PWWP2A: variants seen among roughly 807,000 people sequenced by gnomAD.
PWWP2A encodes PWWP domain-containing protein 2A.
In PWWP2A, 18 loss-of-function variants were observed where a neutral mutation model predicts 48.5. The observed-to-expected ratio is 0.37, with a 90% CI of 0.26 to 0.55. PWWP2A has a LOEUF of 0.55. Ranked by LOEUF, PWWP2A falls within the 20% of genes least tolerant of loss-of-function variation. The probability of loss-of-function intolerance (pLI) is 0.81; values close to 1 mark genes in which losing one functional copy is unlikely to be tolerated. For synonymous variants in PWWP2A, 396 were observed against 387.7 expected (o/e 1.02, Z -0.25); for missense variants, 867 against 976.4 (o/e 0.89, Z 1.49).
In PWWP2A at chr5:160,093,216, T is replaced by C. The variant is rs1162704349; in HGVS notation, c.1434A>G (p.Pro478=). 4.3e-6 allele frequency: 7 copies of C among 1,613,916 alleles called. No individual in the cohort carries two copies. In the South Asian group the frequency reaches 7.7e-5, roughly 18 times the overall value. ...GSLPPRVRLK[P]QRYRNEENDS... is the part of the protein sequence containing the mutation. ...CATTTTCTTCATTCCTGTACCTCTG[T>C]GGTTTTAAACGAACCCGGGGTGGAA... Residue 478 remains proline (P), a synonymous_variant, in exon 2 of 2, where the codon CCA becomes CCG. Coordinates refer to ENST00000307063, the MANE Select transcript of PWWP2A (RefSeq NM_001130864.2). This position sits in a 1 kb window ranked among gnomAD's most constrained non-coding sequence, Gnocchi z 5.8.
Position 160,091,762 on chromosome 5 carries a change from T to C in PWWP2A, c.*620A>G. Reference sequence around the variant, plus strand: ...CCCAAACACTGGGCTATTTCCCCAGTCTGTAACTGAATTGCAACCATCTGT... The same window carrying C: ...CCCAAACACTGGGCTATTTCCCCAGCCTGTAACTGAATTGCAACCATCTGT... On this transcript the variant is annotated 3_prime_UTR_variant, in exon 2 of 2. Transcript: ENST00000307063. 2 of 985,218 alleles carry C rather than the reference T, an allele frequency of 2.0e-6. No homozygotes were observed. Among genetic ancestry groups the C allele is most frequent in the Non-Finnish European group, 2.4e-6 (2 of 829,850 alleles). The allele number at this position is 985,218 out of a possible 1,614,324, so 61.0% of individuals were successfully genotyped here.
rs556171310 is a variant in PWWP2A at position 160,093,522 on chromosome 5, T to G, written c.1128A>C (p.Gln376His). The change falls in exon 2 of 2, where the codon CAA becomes CAC. Residue 376 changes from glutamine to histidine, a missense_variant. Coordinates refer to ENST00000307063, the MANE Select transcript of PWWP2A (RefSeq NM_001130864.2). This position sits in a 1 kb window ranked among gnomAD's most constrained non-coding sequence, Gnocchi z 5.8. The part of the protein sequence containing the change: ...KTDHKVDGKN[Q>H]NESQKRNAVV... The stretch of plus-strand genomic sequence containing the variant: ...CAGCATTTCTTTTCTGGCTTTCATT[T>G]TGGTTTTTCCCATCCACTTTATGGT... 2 of 1,613,990 alleles carry G rather than the reference T, an allele frequency of 1.2e-6. No individual in the cohort carries two copies. The highest frequency in any genetic ancestry group is 4.5e-5 in the East Asian group (2 of 44,886).
At chr5:160,052,011 A>G in the PWWP2A span, among the ~76,000 whole-genome samples, 1 of 152,214 alleles carries the variant, frequency 6.6e-6, no homozygotes, top group East Asian at 1.9e-4. Context: ...AGACAATGGG[A>G]ACAAATTTCC....
At chr5:160,089,981 T>G (rs1024915332), downstream of PWWP2A, 1 of 984,936 alleles carries the variant, frequency 1.0e-6, no homozygotes, top group African/African-American at 1.7e-5. Context: ...CTATTAGAGT[T>G]TAGAATACAC....
At chr5:160,108,613 C>G (rs1757134870) in intron 1 of PWWP2A, 1 of 1,280,974 alleles carries the variant, frequency 7.8e-7, no homozygotes, top group Non-Finnish European at 1.0e-6. Flanking sequence ...GTTTCATGGT[C>G]TCTGTAAAGA....
chr5:160,046,472 C>T, the PWWP2A span, among the ~76,000 whole-genome samples: 1 of 152,032 alleles, frequency 6.6e-6, no homozygotes, highest in South Asian at 2.1e-4. Flanking sequence ...CTTAGTTGAG[C>T]GTGGGACCCT....
intron 1 of PWWP2A, among the ~76,000 whole-genome samples, chr5:160,107,497 C>T (rs1757019164): frequency 6.6e-6 from 1 of 152,174 alleles, no homozygotes; most frequent in South Asian, 2.1e-4. Flanking sequence ...TAATGATGCA[C>T]TTTATAGACA....
downstream of PWWP2A, among the ~76,000 whole-genome samples, chr5:160,058,647 G>A (rs1026434789): frequency 5.3e-5 from 8 of 151,952 alleles, no homozygotes; most frequent in Non-Finnish European, 8.8e-5. Context: ...TCCTGACCTC[G>A]TGATCCACCC....
Position 160,093,482 on chromosome 5 carries a change from T to C in PWWP2A, c.1168A>G (p.Asn390Asp), listed in dbSNP as rs1755298747. Residue 390 changes from asparagine to aspartate, a missense_variant, in exon 2 of 2, where the codon AAT becomes GAT. Asn to Asp is a conservative substitution (Grantham distance 23, BLOSUM62 1). Transcript: ENST00000307063. The surrounding 1 kb of genome is among the most constrained non-coding windows in gnomAD (Gnocchi z 5.8). Reference sequence around the variant, plus strand: ...ACTCTGCCTCTGCTGTGAGCAATATTTGAAACCTTAACCACAGCATTTCTT... The same window carrying C: ...ACTCTGCCTCTGCTGTGAGCAATATCTGAAACCTTAACCACAGCATTTCTT... Reference protein sequence around the residue: ...QKRNAVVKVSNIAHSRGRVVK... With the variant: ...QKRNAVVKVSDIAHSRGRVVK... The C allele has an allele frequency of 1.2e-6, 2 of 1,613,848 alleles. No individual in the cohort carries two copies. Among genetic ancestry groups the C allele is most frequent in the Admixed American group, 1.7e-5 (1 of 59,962 alleles).
chr5:160,113,031 C>T (rs1197439554), intron 1 of PWWP2A, among the ~76,000 whole-genome samples: 1 of 152,038 alleles, frequency 6.6e-6, no homozygotes, highest in Non-Finnish European at 1.5e-5. Context: ...TGGTGGCGTG[C>T]GCCTGTAATC....
intron 1 of PWWP2A, among the ~76,000 whole-genome samples, chr5:160,111,834 G>C (rs1375551510): frequency 6.6e-6 from 1 of 152,134 alleles, no homozygotes. Flanking sequence ...GAAGCAGACA[G>C]GTAATTTAAA....
At chr5:160,079,534 T>C (rs1489609053) in intron 3 of PWWP2A, among the ~76,000 whole-genome samples, 2 of 152,220 alleles carry the variant, frequency 1.3e-5, no homozygotes, top group African/African-American at 4.8e-5. Context: ...ATTGCAATAC[T>C]AATAGATTAA....
Position 160,092,321 on chromosome 5 carries a change from C to G in PWWP2A, c.*61G>C. The G allele has an allele frequency of 6.8e-7, 1 of 1,464,372 alleles. No homozygotes were observed. The highest frequency in any genetic ancestry group is 9.0e-7 in the Non-Finnish European group (1 of 1,107,564). 90.7% of individuals were successfully genotyped at this position (1,464,372 alleles called of 1,614,324 possible). ...CCACGCTATTTTGTAGAAATTATTC[C>G]TAACTAGACTAGAAAATCTGTGGTG... On this transcript the variant is annotated 3_prime_UTR_variant, in exon 2 of 2. Transcript: ENST00000307063.
At position 160,093,585 on chromosome 5, in the gene PWWP2A, A is replaced by G; in HGVS notation, c.1065T>C (p.Asn355=). ...TTTTGTTCACAGTAGTTACACTTTCATTTCTCCGTTTTTTATCTTCATATT... is the reference window on the plus strand; with the variant it reads ...TTTTGTTCACAGTAGTTACACTTTCGTTTCTCCGTTTTTTATCTTCATATT... ...SSKYEDKKRR[N]ESVTTVNKKL... Residue 355 remains asparagine, a synonymous_variant, in exon 2 of 2, where the codon AAT becomes AAC. Coordinates refer to ENST00000307063, the MANE Select transcript of PWWP2A (RefSeq NM_001130864.2). This position sits in a 1 kb window ranked among gnomAD's most constrained non-coding sequence, Gnocchi z 5.8. 1.2e-6 allele frequency: 2 copies of G among 1,613,284 alleles called. No homozygotes were observed. Among genetic ancestry groups the G allele is most frequent in the Non-Finnish European group, 1.7e-6 (2 of 1,179,748 alleles).
chr5:160,048,946 G>A, the PWWP2A span, among the ~76,000 whole-genome samples: 6 of 82,896 alleles, frequency 7.2e-5, no homozygotes, highest in Non-Finnish European at 1.2e-4. Context: ...GCGAGACTCC[G>A]TCTAAAAAAA....
At chr5:160,063,132 G>T (rs1753480336) in intron 5 of PWWP2A, among the ~76,000 whole-genome samples, 1 of 152,198 alleles carries the variant, frequency 6.6e-6, no homozygotes, top group Non-Finnish European at 1.5e-5. Flanking sequence ...AGATGGGTTG[G>T]CCTTTCTCTG....
At chr5:160,108,964 C>T (rs1282949035) in intron 1 of PWWP2A, among the ~76,000 whole-genome samples, 1 of 152,130 alleles carries the variant, frequency 6.6e-6, no homozygotes, top group African/African-American at 2.4e-5. Flanking sequence ...AGGCAAGAGA[C>T]ACCATGCCCA....
chr5:160,083,630 G>GC (rs1408195474), intron 2 of PWWP2A, among the ~76,000 whole-genome samples: 2 of 152,196 alleles, frequency 1.3e-5, no homozygotes, highest in African/African-American at 4.8e-5. Context: ...GACCTCCACT[G>GC]CATTGGGCCC....
chr5:160,076,824 A>G (rs575736772), exon 4 of PWWP2A: 6 of 152,298 alleles, frequency 3.9e-5, no homozygotes, highest in Admixed American at 1.3e-4. Flanking sequence ...GTTGCTTCAT[A>G]TGAATTTTAA....
Sources: allele counts gnomAD v4.1 joint callset (sites outside exome capture counted in the v4.1 genomes callset), GRCh38; gene constraint gnomAD v4.1.1; non-coding constraint Gnocchi (gnomAD v3.1); transcripts MANE v1.5; gene names NCBI Gene and HGNC (gene_info 2026-07-23, HGNC 2026-07-21).